Variants in CSTPP1 observed in about 807,000 individuals in gnomAD.
The protein encoded by CSTPP1 is centriolar satellite-associated tubulin polyglutamylase complex regulator 1, also known as UPF0705 protein C11orf49.
chr11:47,164,295 C>T, the CSTPP1 span: 1 of 1,568,374 alleles, frequency 6.4e-7, no homozygotes, highest in Non-Finnish European at 8.6e-7. Context: ...ATCCAGAGGA[C>T]ACTGCTTCAC....
chr11:47,061,960 A>G, the CSTPP1 span, among the ~76,000 whole-genome samples: 4 of 151,806 alleles, frequency 2.6e-5, no homozygotes, highest in Admixed American at 2.6e-4. Flanking sequence ...GCTCTTACGC[A>G]AGCATTCCTG....
chr11:46,987,405 T>A, the CSTPP1 span: 1 of 1,035,082 alleles, frequency 9.7e-7, no homozygotes, highest in Non-Finnish European at 1.5e-6. Flanking sequence ...CAATGCTGAT[T>A]AGGTAGTGGC....
the CSTPP1 span, chr11:47,163,943 G>T: frequency 1.1e-6 from 1 of 887,452 alleles, no homozygotes; most frequent in Non-Finnish European, 1.7e-6. Flanking sequence ...ACTGTACCCG[G>T]CGTTAAATAT....
chr11:46,952,813 A>G, the CSTPP1 span, among the ~76,000 whole-genome samples: 1 of 152,212 alleles, frequency 6.6e-6, no homozygotes, highest in Non-Finnish European at 1.5e-5. Context: ...TAGTGAGAAC[A>G]TGTAATTTTA....
the CSTPP1 span, among the ~76,000 whole-genome samples, chr11:47,048,901 A>G: frequency 2.6e-5 from 4 of 152,234 alleles, no homozygotes; most frequent in Non-Finnish European, 5.9e-5. Context: ...CATTCTAAAA[A>G]ATAATATCAG....
chr11:47,140,146 C>T, the CSTPP1 span, among the ~76,000 whole-genome samples: 1 of 152,166 alleles, frequency 6.6e-6, no homozygotes, highest in Non-Finnish European at 1.5e-5. Flanking sequence ...AGTGATCACA[C>T]ATGCAAAATT....
the CSTPP1 span, among the ~76,000 whole-genome samples, chr11:47,163,481 T>C: frequency 6.6e-6 from 1 of 152,134 alleles, no homozygotes; most frequent in Non-Finnish European, 1.5e-5. Flanking sequence ...CAGTGGTCTG[T>C]AACTACCGTG....
the CSTPP1 span, among the ~76,000 whole-genome samples, chr11:47,049,177 A>G: frequency 4.1e-4 from 63 of 151,852 alleles, no homozygotes; most frequent in Non-Finnish European, 8.0e-4. Context: ...CATAAAATCA[A>G]GGTTTCACTA....
chr11:47,004,118 A>T, the CSTPP1 span, among the ~76,000 whole-genome samples: 1 of 149,522 alleles, frequency 6.7e-6, no homozygotes, highest in Non-Finnish European at 1.5e-5. Context: ...AGGACTTTTT[A>T]GTCTCTCTTT....
At chr11:47,066,655 G>A in the CSTPP1 span, among the ~76,000 whole-genome samples, 1 of 152,180 alleles carries the variant, frequency 6.6e-6, no homozygotes, top group Non-Finnish European at 1.5e-5. Context: ...AACAATAAGC[G>A]ATGAGGTATG....
At chr11:47,016,676 G>A in the CSTPP1 span, among the ~76,000 whole-genome samples, 3 of 152,140 alleles carry the variant, frequency 2.0e-5, no homozygotes, top group Non-Finnish European at 4.4e-5. Flanking sequence ...ATCAGTTGTG[G>A]ACAGGAGGTC....
chr11:47,060,258 C>CTTTT, the CSTPP1 span, among the ~76,000 whole-genome samples: 2,092 of 98,916 alleles, frequency 0.021, 5 homozygotes, highest in Non-Finnish European at 0.025. Context: ...CTTTTCTTTT[C>CTTTT]TTTTTTTTTT....
chr11:46,941,339 T>A, the CSTPP1 span, among the ~76,000 whole-genome samples: 3 of 151,552 alleles, frequency 2.0e-5, no homozygotes, highest in Non-Finnish European at 2.9e-5. Context: ...CACCCTCAAT[T>A]TTTTTTTTCT....
At chr11:47,035,876 G>A in the CSTPP1 span, among the ~76,000 whole-genome samples, 3 of 150,960 alleles carry the variant, frequency 2.0e-5, no homozygotes, top group Admixed American at 2.0e-4. Flanking sequence ...AAAAATCCAT[G>A]TATAAGTAGA....
the CSTPP1 span, among the ~76,000 whole-genome samples, chr11:47,047,241 T>TTAG: frequency 6.6e-6 from 1 of 152,182 alleles, no homozygotes; most frequent in Non-Finnish European, 1.5e-5. Context: ...GCTTTTTCAC[T>TTAG]GAGAGAAGAA....
the CSTPP1 span, among the ~76,000 whole-genome samples, chr11:47,162,441 G>A: frequency 1.3e-5 from 2 of 152,164 alleles, no homozygotes; most frequent in South Asian, 2.1e-4. Flanking sequence ...CAGCTGGAAC[G>A]GCCTTCAGGA....
the CSTPP1 span, among the ~76,000 whole-genome samples, chr11:47,129,638 A>G: frequency 2.0e-5 from 3 of 152,176 alleles, no homozygotes; most frequent in African/African-American, 7.2e-5. Flanking sequence ...GGGGATTCTT[A>G]TCAGACCAGG....
the CSTPP1 span, among the ~76,000 whole-genome samples, chr11:47,001,268 C>T: frequency 6.6e-6 from 1 of 152,178 alleles, no homozygotes; most frequent in Non-Finnish European, 1.5e-5. Flanking sequence ...TCATGCTCTG[C>T]TCCTATTTAA....
the CSTPP1 span, chr11:47,052,496 C>T: frequency 6.2e-7 from 1 of 1,613,926 alleles, no homozygotes. Flanking sequence ...GGAGATGCTT[C>T]CGAACTGTGG....
Sources: allele counts gnomAD v4.1 joint callset (sites outside exome capture counted in the v4.1 genomes callset), GRCh38; gene constraint gnomAD v4.1.1; transcripts MANE v1.5; gene names NCBI Gene and HGNC (gene_info 2026-07-23, HGNC 2026-07-21).